TMC5: variants seen among roughly 807,000 people sequenced by gnomAD.
TMC5 encodes the protein transmembrane channel like 5, also known as transmembrane channel-like protein 5.
Under a neutral mutation model 110.5 loss-of-function variants are expected in TMC5, and 86 were observed. That is an observed-to-expected ratio of 0.78 (90% CI 0.65 to 0.93). The LOEUF is 0.93. TMC5 is among the 40% of genes least tolerant of loss of function. TMC5 has a pLI of 0.00. For missense variants in TMC5, 1,144 were observed against 1,222.8 expected (o/e 0.94, Z 0.96); for synonymous variants, 455 against 439.5 (o/e 1.04, Z -0.44).
intron 20 of TMC5, among the ~76,000 whole-genome samples, chr16:19,496,887 C>CAA (rs67040638): frequency 6.5e-4 from 52 of 80,222 alleles, no homozygotes; most frequent in African/African-American, 1.7e-3. Flanking sequence ...AAGACTCTGT[C>CAA]AAAAAAAAAA....
intron 1 of TMC5, among the ~76,000 whole-genome samples, chr16:19,421,859 G>A (rs138928697): frequency 6.6e-6 from 1 of 152,378 alleles, no homozygotes; most frequent in Non-Finnish European, 1.5e-5. Flanking sequence ...GGCTGAGGCA[G>A]GAGGATGGCT....
rs1436202483 is a variant in TMC5 at position 19,462,591 on chromosome 16, A to T, written c.1149-689A>T. On this transcript the variant is annotated intron_variant, in intron 6 of 21. Coordinates refer to ENST00000542583, the MANE Select transcript of TMC5 (RefSeq NM_001261841.2). The stretch of plus-strand genomic sequence containing the variant: ...GTAGGCAAGACGGCATGTGCAGGGG[A>T]ACTGCCCTTTATAAAACCATCAGAT... The T allele has an allele frequency of 4.3e-6, 3 of 697,460 alleles. No homozygotes were observed. In the East Asian group the frequency reaches 8.1e-5, roughly 19 times the overall value. The allele number at this position is 697,460 out of a possible 1,614,324, so 43.2% of individuals were successfully genotyped here.
intron 15 of TMC5, among the ~76,000 whole-genome samples, chr16:19,481,701 C>T (rs140248985): frequency 5.3e-5 from 8 of 152,304 alleles, no homozygotes; most frequent in Admixed American, 3.3e-4. Context: ...GCCCACAGGT[C>T]GTGTCCAGCT....
chr16:19,452,427 G>A lies in TMC5; in HGVS notation c.1048+2796G>A, dbSNP rs145040858. On this transcript the variant is annotated intron_variant, in intron 5 of 21. Transcript: ENST00000542583. ...ATGATTGACAAGCATGTAGAAATGA[G>A]ACTGGATGGCCGGGCATGGTGGCTC... 1.9e-3 allele frequency among the ~76,000 whole-genome samples: 284 copies of A among 152,238 alleles called. 1 individual carries two copies. The highest frequency in any genetic ancestry group is 6.6e-3 in the African/African-American group (274 of 41,548).
rs545143474 is a variant in TMC5, at chr16:19,473,236, C to T, written c.1939-889C>T. On this transcript the variant is annotated intron_variant, in intron 11 of 21. Coordinates refer to ENST00000542583, the MANE Select transcript of TMC5 (RefSeq NM_001261841.2). ...TGGTGCACCCCTGTAATCCCAGCTA[C>T]TCGGGAGGCTAAGGCAGGAGAATCA... 8.6e-5 allele frequency among the ~76,000 whole-genome samples: 13 copies of T among 150,964 alleles called. No individual in the cohort carries two copies. The South Asian group carries it at 2.7e-3, about 32-fold the overall frequency.
At chr16:19,457,414 A>C (rs1237516995) in intron 5 of TMC5, among the ~76,000 whole-genome samples, 1 of 152,140 alleles carries the variant, frequency 6.6e-6, no homozygotes, top group Non-Finnish European at 1.5e-5. Flanking sequence ...ACATTGAGTA[A>C]TATGGAAGGG....
chr16:19,419,887 C>T (rs2143345511), intron 1 of TMC5, among the ~76,000 whole-genome samples: 1 of 152,270 alleles, frequency 6.6e-6, no homozygotes, highest in East Asian at 1.9e-4. Flanking sequence ...GCTATTATTG[C>T]TCAGGTTATT....
At position 19,481,394 on chromosome 16, in the gene TMC5, A is replaced by C. The variant is rs1263518337; in HGVS notation, c.2292A>C (p.Thr764=). 1 of 1,613,906 alleles carries C rather than the reference A, an allele frequency of 6.2e-7. No individual in the cohort carries two copies. Among genetic ancestry groups the C allele is most frequent in the African/African-American group, 1.3e-5 (1 of 74,928 alleles). Residue 764 remains threonine (T), a synonymous_variant, in exon 15 of 22, where the codon ACA becomes ACC. Transcript: ENST00000542583. ...GAATCATTGGGATGCAACTGATCAC[A>C]AGTCTTGGCCTTCAGGAGTTTGACA... ...LRRIIGMQLI[T]SLGLQEFDIA...
intron 1 of TMC5, chr16:19,411,571 T>C (rs1966855876): frequency 6.6e-6 from 1 of 152,182 alleles, no homozygotes; most frequent in African/African-American, 2.4e-5. Context: ...GTCCCACCAT[T>C]TCTCAGAAGG....
intron 3 of TMC5, among the ~76,000 whole-genome samples, chr16:19,442,325 ATTTTTTTTT>A (rs143016414): frequency 8.1e-6 from 1 of 123,446 alleles, no homozygotes; most frequent in African/African-American, 3.0e-5. Context: ...ACAAAATGTA[ATTTTTTTTT>A]TTTTTTTTTT....
intron 17 of TMC5, among the ~76,000 whole-genome samples, chr16:19,488,357 T>G (rs904350878): frequency 6.6e-6 from 1 of 152,142 alleles, no homozygotes; most frequent in Admixed American, 6.5e-5. Context: ...CAGGAGTAGC[T>G]TTCTCACTTC....
At chr16:19,446,216 A>G (rs1274641780) in intron 4 of TMC5, among the ~76,000 whole-genome samples, 1 of 152,222 alleles carries the variant, frequency 6.6e-6, no homozygotes, top group African/African-American at 2.4e-5. Context: ...CCTTTATTCC[A>G]AGCATTCCTC....
intron 2 of TMC5, among the ~76,000 whole-genome samples, chr16:19,433,560 G>A (rs1449511343): frequency 1.3e-5 from 2 of 152,092 alleles, no homozygotes; most frequent in African/African-American, 2.4e-5. Context: ...ATTGTTATTC[G>A]ATCCCTTTGA....
At chr16:19,470,909 A>G (rs1416634436) in intron 10 of TMC5, among the ~76,000 whole-genome samples, 1 of 151,572 alleles carries the variant, frequency 6.6e-6, no homozygotes, top group Non-Finnish European at 1.5e-5. Context: ...GGTGGCGGGC[A>G]CCTGTAATCC....
intron 1 of TMC5, among the ~76,000 whole-genome samples, chr16:19,423,966 C>T (rs1365225369): frequency 6.6e-6 from 1 of 152,138 alleles, no homozygotes; most frequent in Non-Finnish European, 1.5e-5. Flanking sequence ...GTCGGCCAGG[C>T]TTGTCTCAAA....
upstream of TMC5, among the ~76,000 whole-genome samples, chr16:19,415,996 C>T (rs779105151): frequency 1.6e-4 from 25 of 152,024 alleles, no homozygotes; most frequent in Non-Finnish European, 3.5e-4. Flanking sequence ...GCCTGGGCAA[C>T]GTAGAGAGAC....
intron 4 of TMC5, 88 bp downstream of exon 4, chr16:19,444,338 TAGG>T: frequency 8.3e-7 from 1 of 1,200,618 alleles, no homozygotes; most frequent in Non-Finnish European, 1.2e-6. Flanking sequence ...GACTTGGCAA[TAGG>T]AGAATTGGTG....
chr16:19,417,660 A>AGGGAGGAGT (rs1359752602), upstream of TMC5: 1 of 152,298 alleles, frequency 6.6e-6, no homozygotes, highest in East Asian at 1.9e-4. Flanking sequence ...TATTAATGAG[A>AGGGAGGAGT]GGGAGGAGTT....
chr16:19,481,247 A>C (rs573597669), intron 14 of TMC5, 123 bp from the exon 15 acceptor site: 1 of 718,920 alleles, frequency 1.4e-6, no homozygotes, highest in Non-Finnish European at 2.4e-6. Context: ...AAAAATTTTC[A>C]AGGGAACTTA....
Sources: gnomAD v4.1 joint callset for allele counts (sites outside exome capture counted in the v4.1 genomes callset) on GRCh38, gnomAD v4.1.1 for gene constraint, MANE v1.5 for transcripts, NCBI Gene and HGNC (gene_info 2026-07-23, HGNC 2026-07-21) for gene names.